The following KIR2DL3 variants were observed in gnomAD, a reference collection of about 807,000 sequenced individuals.
KIR2DL3 encodes the protein killer cell immunoglobulin-like receptor 2DL3.
In KIR2DL3, 39 loss-of-function variants were observed where a neutral mutation model predicts 33.8. The observed-to-expected ratio is 1.15, with a 90% CI of 0.89 to 1.51. The LOEUF (loss-of-function observed/expected upper bound fraction) is 1.51. Among genes scored for constraint, KIR2DL3 ranks in the 40% most tolerant of loss-of-function variants. The probability of loss-of-function intolerance (pLI) is 0.00; values close to 1 mark genes in which losing one functional copy is unlikely to be tolerated. For missense variants in KIR2DL3, 462 were observed against 426.2 expected, an observed-to-expected ratio of 1.08 and a Z score of -0.74; for synonymous variants, 174 against 160.2, an observed-to-expected ratio of 1.09 and a Z score of -0.65.
chr19:54,743,236 A>C (rs559067859), intron 3 of KIR2DL3, among the ~76,000 whole-genome samples: 4 of 152,342 alleles, frequency 2.6e-5, no homozygotes, highest in Non-Finnish European at 5.9e-5. Context: ...TGATTCATTA[A>C]TAGATAATAC....
At chr19:54,747,059 G>T (rs1338203235) in intron 4 of KIR2DL3, among the ~76,000 whole-genome samples, 1 of 140,958 alleles carries the variant, frequency 7.1e-6, no homozygotes, top group Non-Finnish European at 1.6e-5. Flanking sequence ...ATTGTTCTAC[G>T]TGCCTTTCTT....
In KIR2DL3 at chr19:54,752,845, G is replaced by A. The variant is rs139545624; in HGVS notation, c.*326G>A. On this transcript the variant is annotated 3_prime_UTR_variant, in exon 8 of 8. Coordinates refer to ENST00000342376, the MANE Select transcript of KIR2DL3 (RefSeq NM_015868.3). ...CTTACTTCCTAGTCTACTTGAGGCT[G>A]CAATCACACTGAGGAACTCACAATT... 1,661 of 470,694 alleles carry A rather than the reference G, an allele frequency of 3.5e-3. 147 individuals are homozygous for A. Among genetic ancestry groups the A allele is most frequent in the Non-Finnish European group, 5.8e-3 (1,480 of 256,232 alleles). 29.2% of individuals were successfully genotyped at this position (470,694 alleles called of 1,614,324 possible).
In KIR2DL3 at chr19:54,752,795, C is replaced by T; in HGVS notation, c.*276C>T. 2 of 533,112 alleles carry T rather than the reference C, an allele frequency of 3.8e-6. No homozygotes were observed. Among genetic ancestry groups the T allele is most frequent in the Non-Finnish European group, 6.7e-6 (2 of 300,584 alleles). 33.0% of individuals were successfully genotyped at this position (533,112 alleles called of 1,614,324 possible). On this transcript the variant is annotated 3_prime_UTR_variant, in exon 8 of 8. Coordinates refer to ENST00000342376, the MANE Select transcript of KIR2DL3 (RefSeq NM_015868.3). ...CACAATTCTCCATTTCACTTGACCC[C>T]TGCCCACCTCTCCAACCTAACTGGC...
At chr19:54,744,895 TATACACACACACACACATATATAAAC>T (rs1171726204) in intron 4 of KIR2DL3, among the ~76,000 whole-genome samples, 16 of 64,574 alleles carry the variant, frequency 2.5e-4, no homozygotes, top group African/African-American at 7.7e-4. Flanking sequence ...TATATATATA[TATACACACACACACACATATATAAAC>T]ATATATATAT....
intron 4 of KIR2DL3, 78 bp downstream of exon 4, chr19:54,744,166 G>A (rs595504): frequency 2.0e-6 from 3 of 1,510,702 alleles, no homozygotes; most frequent in Non-Finnish European, 1.8e-6. Flanking sequence ...ATGATGGAGA[G>A]AAGCATGGAC....
chr19:54,748,479 CG>C (rs1365584444), intron 5 of KIR2DL3, among the ~76,000 whole-genome samples: 1 of 139,612 alleles, frequency 7.2e-6, no homozygotes, highest in Non-Finnish European at 1.6e-5. Context: ...CTTCCACAAA[CG>C]GTGAACAAGA....
chr19:54,750,604 T>A (rs1050442097), intron 5 of KIR2DL3, among the ~76,000 whole-genome samples: 1 of 137,388 alleles, frequency 7.3e-6, no homozygotes, highest in African/African-American at 2.7e-5. Flanking sequence ...ATTCGCTGTG[T>A]ATCAATCCCA....
intron 4 of KIR2DL3, among the ~76,000 whole-genome samples, chr19:54,746,200 A>C (rs145218913): frequency 0.057 from 6,044 of 105,854 alleles, 915 homozygotes; most frequent in African/African-American, 0.15. Flanking sequence ...AGCACTTTTT[A>C]GTATGTGGGG....
chr19:54,739,685 C>A (rs2070640953), intron 2 of KIR2DL3, 143 bp downstream of exon 2: 3 of 1,380,520 alleles, frequency 2.2e-6, no homozygotes, highest in Admixed American at 1.8e-5. Context: ...CTGACCTCGC[C>A]TCCCTGGCCT....
chr19:54,747,838 A>G (rs2072795781), intron 5 of KIR2DL3, among the ~76,000 whole-genome samples: 1 of 152,204 alleles, frequency 6.6e-6, no homozygotes, highest in Admixed American at 6.5e-5. Flanking sequence ...CGTAACAGAG[A>G]ACGGAGCTCA....
intron 4 of KIR2DL3, among the ~76,000 whole-genome samples, chr19:54,744,856 G>A (rs2072000336): frequency 8.0e-6 from 1 of 124,752 alleles, no homozygotes; most frequent in Non-Finnish European, 1.7e-5. Context: ...AAAGTCTAGT[G>A]GTCATAAATA....
intron 5 of KIR2DL3, among the ~76,000 whole-genome samples, chr19:54,749,496 G>A (rs199656037): frequency 5.9e-5 from 7 of 118,968 alleles, no homozygotes; most frequent in African/African-American, 1.2e-4. Context: ...TTTAATCCTC[G>A]CTTAATTAAT....
chr19:54,744,262 C>A (rs538399079), intron 4 of KIR2DL3, among the ~76,000 whole-genome samples, 174 bp downstream of exon 4: 1 of 151,890 alleles, frequency 6.6e-6, no homozygotes, highest in Non-Finnish European at 1.5e-5. Flanking sequence ...CCCTCCTACA[C>A]GGCCTGCATG....
intron 2 of KIR2DL3, among the ~76,000 whole-genome samples, chr19:54,739,983 C>T (rs1273090858): frequency 4.6e-5 from 7 of 151,844 alleles, no homozygotes; most frequent in South Asian, 2.1e-4. Flanking sequence ...TCACAAAGGA[C>T]ATGCCCTCCA....
At position 54,751,610 on chromosome 19, in the gene KIR2DL3, C is replaced by T. The variant is rs774959522; in HGVS notation, c.716-39C>T. 5.0e-6 allele frequency: 7 copies of T among 1,407,010 alleles called. 2 individuals carry two copies. The highest frequency in any genetic ancestry group is 1.9e-4 in the Middle Eastern group (1 of 5,130). The allele number at this position is 1,407,010 out of a possible 1,614,324, so 87.2% of individuals were successfully genotyped here. A position where few individuals can be genotyped will look rare whatever the true frequency, so the allele number is the denominator to read the frequency against. ...TGAGACAATTCATAAAGAGGAACTG[C>T]TATGATTAGCTTCTTATTGGTGTCT... On this transcript the variant is annotated intron_variant, in intron 5 of 7. Coordinates refer to ENST00000342376, the MANE Select transcript of KIR2DL3 (RefSeq NM_015868.3).
intron 2 of KIR2DL3, 102 bp downstream of exon 2, chr19:54,739,644 G>C: frequency 1.3e-6 from 2 of 1,592,864 alleles, no homozygotes; most frequent in Non-Finnish European, 1.7e-6. Context: ...AAACTAGGAA[G>C]AGAGGACCCT....
At chr19:54,747,645 A>G (rs900175466) in intron 5 of KIR2DL3, among the ~76,000 whole-genome samples, 1 of 152,230 alleles carries the variant, frequency 6.6e-6, no homozygotes, top group Admixed American at 6.5e-5. Flanking sequence ...TTCTCAGGAA[A>G]AATGCAATGT....
rs192458259 is a variant in KIR2DL3 at position 54,745,756 on chromosome 19, C to T, written c.665-1579C>T. Among the ~76,000 whole-genome samples, 694 of 151,742 alleles carry T rather than the reference C, an allele frequency of 4.6e-3. 8 individuals are homozygous for T. Among genetic ancestry groups the T allele is most frequent in the African/African-American group, 0.016 (675 of 41,434 alleles). ...CAACAGGGTATTAGGGTTCTCCTTT[C>T]TCTACCACTTTGGCAGGATTTCCTT... is the stretch of plus-strand genomic sequence containing the variant. On this transcript the variant is annotated intron_variant, in intron 4 of 7. Coordinates refer to ENST00000342376, the MANE Select transcript of KIR2DL3 (RefSeq NM_015868.3).
At position 54,743,945 on chromosome 19, in the gene KIR2DL3, G is replaced by T. The variant is rs1234222928; in HGVS notation, c.521G>T (p.Gly174Val). Residue 174 changes from glycine (G) to valine (V), a missense_variant, in exon 4 of 8, where the codon GGG (glycine) becomes GTG (valine). Gly to Val is a moderately radical substitution (Grantham distance 109). Coordinates refer to ENST00000342376, the MANE Select transcript of KIR2DL3 (RefSeq NM_015868.3). Reference protein sequence around the residue: ...GEAHERRFSAGPKVNGTFQAD... With the variant: ...GEAHERRFSAVPKVNGTFQAD... ...GCCCATGAACGTAGGTTCTCTGCAG[G>T]GCCCAAGGTCAACGGAACATTCCAG... is the stretch of plus-strand genomic sequence containing the variant. 3.1e-6 allele frequency: 5 copies of T among 1,614,006 alleles called. No individual in the cohort carries two copies. The Admixed American group carries it at 5.0e-5, about 16-fold the overall frequency.
Sources: allele counts gnomAD v4.1 joint callset (sites outside exome capture counted in the v4.1 genomes callset), GRCh38; gene constraint gnomAD v4.1.1; transcripts MANE v1.5; gene names NCBI Gene and HGNC (gene_info 2026-07-23, HGNC 2026-07-21).